The following CD226 variants were observed in gnomAD, a reference collection of about 807,000 sequenced individuals.
CD226 encodes the protein CD226 molecule, also known as CD226 antigen.
In CD226, 24 loss-of-function variants were observed where a neutral mutation model predicts 34.9. The ratio of observed to expected loss-of-function variants is 0.69; its 90% CI spans 0.50 to 0.97. The LOEUF is 0.97. CD226 is among the 50% of genes least tolerant of loss of function. The probability of loss-of-function intolerance (pLI) is 0.00; values close to 1 mark genes in which losing one functional copy is unlikely to be tolerated. For synonymous variants in CD226, 148 were observed against 147.4 expected, an observed-to-expected ratio of 1.00 and a Z score of -0.03; for missense variants, 397 against 412.7, an observed-to-expected ratio of 0.96 and a Z score of 0.33.
chr18:69,890,174 T>C (rs1336373250), intron 3 of CD226, among the ~76,000 whole-genome samples: 1 of 152,156 alleles, frequency 6.6e-6, no homozygotes, highest in Non-Finnish European at 1.5e-5. Context: ...CTAGAATGAA[T>C]AGAAACATTA....
chr18:69,922,856 C>A (rs947900204), intron 2 of CD226, among the ~76,000 whole-genome samples: 1 of 152,320 alleles, frequency 6.6e-6, no homozygotes, highest in East Asian at 1.9e-4. Context: ...ACTGGCCAGG[C>A]TTGGTGGCTC....
At position 69,940,794 on chromosome 18, in the gene CD226, G is replaced by T. The variant is rs369877181; in HGVS notation, c.382+5940C>A. On this transcript the variant is annotated intron_variant, in intron 2 of 5. Transcript: ENST00000582621. ...TGGGAAGAAATTCCAGCCAGCTGCA[G>T]AAATTTGCATAAGTAATGAGGAGCC... Among the ~76,000 whole-genome samples, 68 of 152,346 alleles carry T rather than the reference G, an allele frequency of 4.5e-4. No individual in the cohort carries two copies. In the South Asian group the frequency reaches 0.013, roughly 29 times the overall value.
chr18:69,860,139 G>C lies in CD226; in HGVS notation c.*4175C>G, dbSNP rs957952254. On this transcript the variant is annotated 3_prime_UTR_variant, in exon 6 of 6. Coordinates refer to ENST00000582621, the MANE Select transcript of CD226 (RefSeq NM_001303618.2). Reference sequence around the variant, plus strand: ...GAGATAAAAATTACAATGTATCATTGATTTGAATTTTTTCTGCATGTAATT... The same window carrying C: ...GAGATAAAAATTACAATGTATCATTCATTTGAATTTTTTCTGCATGTAATT... 5.3e-5 allele frequency: 8 copies of C among 152,132 alleles called. No individual in the cohort carries two copies. Among genetic ancestry groups the C allele is most frequent in the Non-Finnish European group, 7.4e-5 (5 of 68,020 alleles). The allele number at this position is 152,132 out of a possible 1,614,324, so 9.4% of individuals were successfully genotyped here.
intron 2 of CD226, among the ~76,000 whole-genome samples, chr18:69,933,501 C>T (rs2055614002): frequency 1.3e-5 from 2 of 152,322 alleles, no homozygotes; most frequent in Admixed American, 1.3e-4. Context: ...TAACCTCTGT[C>T]ACCTCCAACT....
chr18:69,871,760 A>T (rs982469221), intron 4 of CD226, among the ~76,000 whole-genome samples: 1 of 152,252 alleles, frequency 6.6e-6, no homozygotes, highest in Non-Finnish European at 1.5e-5. Context: ...TAAATAAAGT[A>T]GAAAGTATGA....
At chr18:69,921,356 C>T (rs1433481801) in intron 2 of CD226, among the ~76,000 whole-genome samples, 2 of 152,152 alleles carry the variant, frequency 1.3e-5, no homozygotes, top group African/African-American at 4.8e-5. Context: ...AAGGCCTCCT[C>T]GCATGGGATC....
intron 3 of CD226, among the ~76,000 whole-genome samples, chr18:69,885,185 C>T (rs932318165): frequency 6.6e-6 from 1 of 152,148 alleles, no homozygotes; most frequent in African/African-American, 2.4e-5. Flanking sequence ...CAGGTTGCAA[C>T]AGGACACACA....
chr18:69,867,487 C>G, intron 4 of CD226, 76 bp from the exon 5 acceptor site: 1 of 914,068 alleles, frequency 1.1e-6, no homozygotes, highest in Non-Finnish European at 1.8e-6. Context: ...CTCTATACCT[C>G]ACTGTACCCC....
rs1982672473 is a variant in CD226 at position 69,858,394 on chromosome 18, T to G, written c.*5920A>C. ...AGTGTGTTCTGTTTGGAAAGTAAGT[T>G]GTACCCTGACTGCCACTATGGAAGC... On this transcript the variant is annotated 3_prime_UTR_variant, in exon 6 of 6. Coordinates refer to ENST00000582621, the MANE Select transcript of CD226 (RefSeq NM_001303618.2). The G allele has an allele frequency of 6.6e-6, 1 of 152,180 alleles. No individual in the cohort carries two copies. Among genetic ancestry groups the G allele is most frequent in the South Asian group, 2.1e-4 (1 of 4,828 alleles). The allele number at this position is 152,180 out of a possible 1,614,324, so 9.4% of individuals were successfully genotyped here. A position where few individuals can be genotyped will look rare whatever the true frequency, so the allele number is the denominator to read the frequency against.
At position 69,878,779 on chromosome 18, in the gene CD226, C is replaced by T. The variant is rs75641092; in HGVS notation, c.728-5533G>A. On this transcript the variant is annotated intron_variant, in intron 3 of 5. Transcript: ENST00000582621. Reference sequence around the variant, plus strand: ...GTGTGTGGTTGACTCCATTCCTCACCATGTCTTCTCCCAAGACTTTCAGGG... The same window carrying T: ...GTGTGTGGTTGACTCCATTCCTCACTATGTCTTCTCCCAAGACTTTCAGGG... Among the ~76,000 whole-genome samples the T allele has an allele frequency of 7.1e-3, 1,085 of 152,248 alleles. 33 individuals are homozygous for T. The East Asian group carries it at 0.071, about 10-fold the overall frequency.
intron 2 of CD226, 192 bp from the exon 3 acceptor site, chr18:69,896,237 A>G: frequency 1.3e-6 from 1 of 794,562 alleles, no homozygotes; most frequent in Non-Finnish European, 1.5e-6. Context: ...ACTAGAGTGC[A>G]GTGGTGTGAT....
rs1162978157 is a variant in CD226, at chr18:69,855,264, T to A, written c.*9050A>T. The A allele has an allele frequency of 6.6e-6, 1 of 151,324 alleles. No homozygotes were observed. The highest frequency in any genetic ancestry group is 1.5e-5 in the Non-Finnish European group (1 of 67,874). The allele number at this position is 151,324 out of a possible 1,614,324, so 9.4% of individuals were successfully genotyped here. The stretch of plus-strand genomic sequence containing the variant: ...ATCATTAATATGTTAAGAGCTCTCA[T>A]GAAAAAAATAGACAACAGATGGATA... On this transcript the variant is annotated 3_prime_UTR_variant, in exon 6 of 6. Transcript: ENST00000582621.
chr18:69,883,289 A>T (rs1753209389), intron 3 of CD226, among the ~76,000 whole-genome samples: 3 of 152,022 alleles, frequency 2.0e-5, no homozygotes, highest in African/African-American at 7.3e-5. Context: ...TTATAACAAT[A>T]AAAAAAACCT....
intron 2 of CD226, among the ~76,000 whole-genome samples, chr18:69,907,659 T>C (rs1042015347): frequency 6.6e-6 from 1 of 152,104 alleles, no homozygotes; most frequent in Non-Finnish European, 1.5e-5. Context: ...ATCTCTCTCA[T>C]AGAAGCAGAG....
chr18:69,913,811 C>A (rs59858196), intron 2 of CD226, among the ~76,000 whole-genome samples: 1 of 152,092 alleles, frequency 6.6e-6, no homozygotes, highest in African/African-American at 2.4e-5. Flanking sequence ...GAGCAAGGGA[C>A]CAGCCCTCTG....
chr18:69,923,717 G>T (rs1169412020), intron 2 of CD226, among the ~76,000 whole-genome samples: 1 of 152,176 alleles, frequency 6.6e-6, no homozygotes, highest in Non-Finnish European at 1.5e-5. Flanking sequence ...ACTTTGGGAG[G>T]CCGAGGCGGG....
upstream of CD226, among the ~76,000 whole-genome samples, chr18:69,958,663 C>T (rs1445772405): frequency 2.0e-5 from 3 of 152,092 alleles, no homozygotes; most frequent in Admixed American, 6.5e-5. Context: ...CTCATACCTA[C>T]AGGGACCTAG....
At chr18:69,931,528 TCTGGGAAAGATGGAGG>T (rs2055589340) in intron 2 of CD226, among the ~76,000 whole-genome samples, 1 of 152,164 alleles carries the variant, frequency 6.6e-6, no homozygotes, top group Admixed American at 6.5e-5. Context: ...GTGTACTAAT[TCTGGGAAAGATGGAGG>T]TGTGTGCACT....
intron 4 of CD226, among the ~76,000 whole-genome samples, chr18:69,872,310 C>T (rs1015955148): frequency 2.0e-5 from 3 of 152,124 alleles, no homozygotes; most frequent in Admixed American, 2.0e-4. Flanking sequence ...CAAATACCTA[C>T]ACAAGTGAGC....
Sources: gnomAD v4.1 joint callset for allele counts (sites outside exome capture counted in the v4.1 genomes callset) on GRCh38, gnomAD v4.1.1 for gene constraint, MANE v1.5 for transcripts, NCBI Gene and HGNC (gene_info 2026-07-23, HGNC 2026-07-21) for gene names.